ARMH3: variants seen among roughly 807,000 people sequenced by gnomAD.
ARMH3 encodes armadillo-like helical domain-containing protein 3.
ARMH3 carries 60 observed loss-of-function variants against 99.1 expected under a neutral mutation model. That is an observed-to-expected ratio of 0.61 (90% confidence interval 0.49 to 0.75). ARMH3 has a LOEUF of 0.75. Ranked by LOEUF, ARMH3 falls within the 30% of genes least tolerant of loss-of-function variation. The probability of loss-of-function intolerance (pLI) is 0.00; values close to 1 mark genes in which losing one functional copy is unlikely to be tolerated. For missense variants in ARMH3, 679 were observed against 843.1 expected (o/e 0.81, Z 2.41); for synonymous variants, 285 against 292.8 (o/e 0.97, Z 0.27).
chr10:101,995,568 G>C (rs1847019043), intron 15 of ARMH3, among the ~76,000 whole-genome samples: 1 of 152,036 alleles, frequency 6.6e-6, no homozygotes, highest in Admixed American at 6.6e-5. Context: ...TAATATCCTG[G>C]TAGTCTGTTA....
intron 8 of ARMH3, among the ~76,000 whole-genome samples, chr10:102,016,698 G>C (rs1485705112): frequency 6.6e-6 from 1 of 152,174 alleles, no homozygotes; most frequent in East Asian, 1.9e-4. Flanking sequence ...TTTACCAGAG[G>C]CCAATTATTT....
intron 24 of ARMH3, among the ~76,000 whole-genome samples, chr10:101,851,547 G>T (rs1227990991): frequency 6.6e-6 from 1 of 152,176 alleles, no homozygotes. Context: ...CCAGAGTCAG[G>T]ATGGAGGACA....
rs1184550737 is a variant in ARMH3 at position 102,033,288 on chromosome 10, T to C, written c.154A>G (p.Met52Val). The change falls in exon 3 of 26, where the codon ATG (methionine) becomes GTG (valine). Residue 52 changes from methionine (M) to valine (V), a missense_variant. Met to Val is a conservative substitution (Grantham distance 21). This residue lies in a region of ARMH3 where 280 missense variants were observed against 354.6 expected (regional missense o/e 0.79). Transcript: ENST00000370033. The stretch of plus-strand genomic sequence containing the variant: ...CAGATGCCACCAACTCTTACCTTCA[T>C]GAGAAAGAGCTCCTCCCAAAACCGA... Reference protein sequence around the residue: ...SPRFWEELFLMKVNLEYLEGK... With the variant: ...SPRFWEELFLVKVNLEYLEGK... The C allele has an allele frequency of 1.2e-6, 2 of 1,614,102 alleles. No individual in the cohort carries two copies. Among genetic ancestry groups the C allele is most frequent in the Non-Finnish European group, 1.7e-6 (2 of 1,180,012 alleles).
At chr10:101,954,818 A>G (rs1175697154) in intron 22 of ARMH3, among the ~76,000 whole-genome samples, 1 of 152,104 alleles carries the variant, frequency 6.6e-6, no homozygotes, top group East Asian at 1.9e-4. Flanking sequence ...GTGCCCTCCT[A>G]GTTAACATTT....
chr10:101,962,347 A>G (rs1009550152), intron 20 of ARMH3, among the ~76,000 whole-genome samples: 1 of 152,152 alleles, frequency 6.6e-6, no homozygotes, highest in African/African-American at 2.4e-5. Flanking sequence ...AAGAATGACA[A>G]CTACTACAAG....
At chr10:101,934,414 T>A (rs1424369945) in intron 23 of ARMH3, among the ~76,000 whole-genome samples, 1 of 152,068 alleles carries the variant, frequency 6.6e-6, no homozygotes, top group East Asian at 1.9e-4. Flanking sequence ...AATTAAGAGA[T>A]TTAAAAGAAA....
chr10:101,966,038 C>CT (rs1214767372), intron 20 of ARMH3, among the ~76,000 whole-genome samples: 4 of 151,990 alleles, frequency 2.6e-5, no homozygotes, highest in Non-Finnish European at 5.9e-5. Flanking sequence ...TGATGGTTCC[C>CT]TAAGTCCCAC....
At chr10:101,998,416 G>A (rs967741634) in intron 15 of ARMH3, among the ~76,000 whole-genome samples, 9 of 152,160 alleles carry the variant, frequency 5.9e-5, no homozygotes, top group Non-Finnish European at 1.0e-4. Flanking sequence ...TTTTATGTTA[G>A]GAGTTAGTGA....
At chr10:101,897,327 A>G (rs1452464127) in intron 23 of ARMH3, among the ~76,000 whole-genome samples, 2 of 152,230 alleles carry the variant, frequency 1.3e-5, no homozygotes, top group Non-Finnish European at 2.9e-5. Flanking sequence ...TTTCACTGTA[A>G]GTAGCTTTTG....
intron 20 of ARMH3, among the ~76,000 whole-genome samples, chr10:101,961,451 G>C (rs1465348807): frequency 1.3e-5 from 2 of 151,854 alleles, no homozygotes; most frequent in Admixed American, 6.6e-5. Context: ...CCTTTCTTTA[G>C]AAAAAATCAG....
At position 101,985,668 on chromosome 10, in the gene ARMH3, C is replaced by T. The variant is rs556296622; in HGVS notation, c.1406+4883G>A. 3.9e-5 allele frequency among the ~76,000 whole-genome samples: 6 copies of T among 152,032 alleles called. No individual in the cohort carries two copies. The South Asian group carries it at 1.0e-3, about 26-fold the overall frequency. Reference sequence around the variant, plus strand: ...GTTCCAAGTTAGAGTGAGCCATAATCGTGCCACTGCATTACATCCTGGACG... The same window carrying T: ...GTTCCAAGTTAGAGTGAGCCATAATTGTGCCACTGCATTACATCCTGGACG... On this transcript the variant is annotated intron_variant, in intron 19 of 25. Coordinates refer to ENST00000370033, the MANE Select transcript of ARMH3 (RefSeq NM_024541.3).
chr10:102,052,996 T>A (rs1478169473), intron 1 of ARMH3, among the ~76,000 whole-genome samples: 1 of 151,896 alleles, frequency 6.6e-6, no homozygotes, highest in African/African-American at 2.4e-5. Context: ...ACATCCACTC[T>A]CTCAAATTAG....
At chr10:101,933,255 T>C (rs1370001478) in intron 23 of ARMH3, among the ~76,000 whole-genome samples, 1 of 152,074 alleles carries the variant, frequency 6.6e-6, no homozygotes, top group African/African-American at 2.4e-5. Flanking sequence ...TAATAAAAAA[T>C]AGGGCAAACA....
chr10:102,043,735 G>A (rs986417870), intron 1 of ARMH3, among the ~76,000 whole-genome samples: 3 of 152,160 alleles, frequency 2.0e-5, no homozygotes, highest in Non-Finnish European at 2.9e-5. Context: ...ATAAGACATA[G>A]ACAAATTATA....
intron 23 of ARMH3, among the ~76,000 whole-genome samples, chr10:101,931,109 G>A (rs530341720): frequency 1.3e-5 from 2 of 152,198 alleles, no homozygotes; most frequent in East Asian, 3.9e-4. Flanking sequence ...GCAAACCTAA[G>A]AAACAAAAAG....
chr10:101,864,760 GA>G (rs1310031957), intron 24 of ARMH3, among the ~76,000 whole-genome samples: 1 of 152,070 alleles, frequency 6.6e-6, no homozygotes, highest in Non-Finnish European at 1.5e-5. Flanking sequence ...GGGAGAGGGG[GA>G]AGGGATAGCA....
chr10:102,013,900 A>G (rs931103457), intron 9 of ARMH3, 68 bp downstream of exon 9: 5 of 1,296,702 alleles, frequency 3.9e-6, no homozygotes, highest in Admixed American at 2.1e-5. Flanking sequence ...TTCTAAATGT[A>G]CTTTCACTGA....
chr10:101,959,874 G>A (rs1406305999), intron 20 of ARMH3, among the ~76,000 whole-genome samples: 1 of 152,168 alleles, frequency 6.6e-6, no homozygotes, highest in Non-Finnish European at 1.5e-5. Context: ...CTTCTCACTT[G>A]GAAGTAAGAA....
chr10:102,000,909 C>T (rs1417423662), intron 15 of ARMH3, among the ~76,000 whole-genome samples: 1 of 152,032 alleles, frequency 6.6e-6, no homozygotes, highest in Non-Finnish European at 1.5e-5. Context: ...CTCCACCTCC[C>T]GGGTTCAAGC....
Sources: gnomAD v4.1 joint callset for allele counts (sites outside exome capture counted in the v4.1 genomes callset) on GRCh38, gnomAD v4.1.1 for gene constraint, gnomAD v4.1.1 regional missense constraint, MANE v1.5 for transcripts, NCBI Gene and HGNC (gene_info 2026-07-23, HGNC 2026-07-21) for gene names.